FBN2: variants seen among roughly 807,000 people sequenced by gnomAD.
FBN2 encodes fibrillin-2.
A neutral mutation model predicts 355.6 loss-of-function variants in FBN2; 105 were observed. The ratio of observed to expected loss-of-function variants is 0.30; its 90% CI spans 0.25 to 0.35. The LOEUF is 0.35. Ranked by LOEUF, FBN2 falls within the 10% of genes least tolerant of loss-of-function variation. The pLI, the probability that FBN2 is intolerant of heterozygous loss-of-function variation, is 1.00. For missense variants in FBN2, 3,280 were observed against 3,758.7 expected (o/e 0.87, Z 3.33); for synonymous variants, 1,350 against 1,301.2 (o/e 1.04, Z -0.81).
chr5:128,377,837 G>C lies in FBN2; in HGVS notation c.1764C>G (p.Asn588Lys). ...TTCCATCTGTGTTCACGCATCGACC[G>C]TTTTTACAAAGAACCCCATTCTGGA... ...ECIQNGVLCK[N>K]GRCVNTDGSF... The change falls in exon 13 of 65, where the codon AAC (asparagine) becomes AAG (lysine). Residue 588 changes from asparagine (N) to lysine (K), a missense_variant. By Grantham distance (94) the Asn-to-Lys change is moderately conservative. Coordinates refer to ENST00000262464, the MANE Select transcript of FBN2 (RefSeq NM_001999.4). 1 of 1,613,296 alleles carries C rather than the reference G, an allele frequency of 6.2e-7. No individual in the cohort carries two copies. The highest frequency in any genetic ancestry group is 1.1e-5 in the South Asian group (1 of 91,074).
At chr5:128,377,421 A>G (rs1287263356) in intron 13 of FBN2, among the ~76,000 whole-genome samples, 6 of 152,308 alleles carry the variant, frequency 3.9e-5, no homozygotes, top group African/African-American at 1.4e-4. Context: ...CACCTGAAAT[A>G]CAGTAGCGGT....
chr5:128,516,400 T>C (rs906305221), intron 5 of FBN2, among the ~76,000 whole-genome samples: 3 of 151,130 alleles, frequency 2.0e-5, no homozygotes, highest in African/African-American at 7.3e-5. Flanking sequence ...ATGCTAAGTA[T>C]AAAAGGTCAT....
Position 128,530,597 on chromosome 5 carries a change from G to A in FBN2, c.434C>T (p.Ser145Leu). ...GQISSTCGSKSIQQCSVRCMN... is the reference protein window; with the variant it reads ...GQISSTCGSKLIQQCSVRCMN... ...AAGGCCACAAGTAAGAAACATACTT[G>A]ATTTTGATCCACAGGTTGATGATAT... Residue 145 changes from serine (S) to leucine (L), a missense_variant and splice_region_variant, in exon 3 of 65, where the codon TCA becomes TTA. Ser to Leu is a moderately radical substitution (Grantham distance 145, BLOSUM62 -2). Coordinates refer to ENST00000262464, the MANE Select transcript of FBN2 (RefSeq NM_001999.4). 1 of 1,605,870 alleles carries A rather than the reference G, an allele frequency of 6.2e-7. No individual in the cohort carries two copies. Among genetic ancestry groups the A allele is most frequent in the Non-Finnish European group, 8.5e-7 (1 of 1,172,704 alleles).
intron 61 of FBN2, 128 bp downstream of exon 61, chr5:128,273,712 G>A (rs1445823035): frequency 1.1e-6 from 1 of 916,028 alleles, no homozygotes; most frequent in Non-Finnish European, 1.7e-6. Flanking sequence ...CCAGGAATAA[G>A]TTGCTGGGTC....
At chr5:128,374,229 A>G (rs1365672226) in intron 15 of FBN2, among the ~76,000 whole-genome samples, 1 of 152,172 alleles carries the variant, frequency 6.6e-6, no homozygotes, top group Non-Finnish European at 1.5e-5. Flanking sequence ...TACATACCAT[A>G]GAATCCATCA....
chr5:128,461,358 C>T (rs1190267937), intron 6 of FBN2, among the ~76,000 whole-genome samples: 1 of 152,072 alleles, frequency 6.6e-6, no homozygotes, highest in Non-Finnish European at 1.5e-5. Context: ...AAACGAGATG[C>T]TGGCGAGGCT....
intron 5 of FBN2, among the ~76,000 whole-genome samples, chr5:128,470,813 CA>C (rs1754841566): frequency 1.3e-5 from 2 of 151,860 alleles, no homozygotes; most frequent in African/African-American, 4.8e-5. Flanking sequence ...CAGTGGAATG[CA>C]GTTACAGTGT....
In FBN2 at chr5:128,258,218, G is replaced by C. The variant is rs1315860951; in HGVS notation, c.*1237C>G. 1 of 152,530 alleles carries C rather than the reference G, an allele frequency of 6.6e-6. No individual in the cohort carries two copies. Among genetic ancestry groups the C allele is most frequent in the Non-Finnish European group, 1.5e-5 (1 of 68,024 alleles). 9.4% of individuals were successfully genotyped at this position (152,530 alleles called of 1,614,324 possible). ...GGTTCTTGGGTTGAGAAGAATAATG[G>C]ATACGTGCTCTTAATAGCACATCCT... On this transcript the variant is annotated 3_prime_UTR_variant, in exon 65 of 65. Transcript: ENST00000262464.
At chr5:128,284,289 A>G (rs1581187142) in intron 55 of FBN2, among the ~76,000 whole-genome samples, 2 of 152,226 alleles carry the variant, frequency 1.3e-5, no homozygotes, top group South Asian at 4.1e-4. Flanking sequence ...TCTGAGGCAC[A>G]TATTTAAGCC....
chr5:128,490,668 T>C (rs187905482), intron 5 of FBN2, among the ~76,000 whole-genome samples: 26 of 152,344 alleles, frequency 1.7e-4, no homozygotes, highest in African/African-American at 6.3e-4. Flanking sequence ...TACGATTTTT[T>C]AAAATTTAAT....
intron 5 of FBN2, among the ~76,000 whole-genome samples, chr5:128,474,861 T>C (rs1240270639): frequency 6.6e-6 from 1 of 152,228 alleles, no homozygotes; most frequent in African/African-American, 2.4e-5. Context: ...ATGTGATTCA[T>C]TACTGGGGTT....
chr5:128,479,826 C>G (rs144850752), intron 5 of FBN2, among the ~76,000 whole-genome samples: 1 of 151,106 alleles, frequency 6.6e-6, no homozygotes, highest in East Asian at 2.0e-4. Context: ...ACTTAGGAAG[C>G]TGAAGTGAGA....
In FBN2 at chr5:128,359,416, G is replaced by A. The variant is rs184342055; in HGVS notation, c.2555-2021C>T. Among the ~76,000 whole-genome samples, 310 of 152,046 alleles carry A rather than the reference G, an allele frequency of 2.0e-3. 1 individual carries two copies. Among genetic ancestry groups the A allele is most frequent in the African/African-American group, 7.1e-3 (296 of 41,524 alleles). On this transcript the variant is annotated intron_variant, in intron 19 of 64. Transcript: ENST00000262464. ...CAGAGGAAATAAGAAAGCGACCCAA[G>A]GGAAAAAGAGATTAGTAGCCTTCAA...
chr5:128,503,182 A>G (rs752811100), intron 5 of FBN2, among the ~76,000 whole-genome samples: 6 of 152,166 alleles, frequency 3.9e-5, no homozygotes, highest in Non-Finnish European at 8.8e-5. Flanking sequence ...TGCTGTCTGT[A>G]AGACATGACT....
intron 8 of FBN2, among the ~76,000 whole-genome samples, chr5:128,403,005 C>T (rs1310636030): frequency 6.6e-6 from 1 of 152,100 alleles, no homozygotes; most frequent in African/African-American, 2.4e-5. Flanking sequence ...ACACTTCTTC[C>T]TTTCTTAATT....
At chr5:128,337,623 C>G (rs936420839) in intron 27 of FBN2, among the ~76,000 whole-genome samples, 1 of 152,212 alleles carries the variant, frequency 6.6e-6, no homozygotes, top group Non-Finnish European at 1.5e-5. Context: ...TGAGCAGGCA[C>G]AGGGGCGTAG....
chr5:128,317,084 T>G (rs1468981473), intron 36 of FBN2, among the ~76,000 whole-genome samples: 1 of 152,126 alleles, frequency 6.6e-6, no homozygotes, highest in Non-Finnish European at 1.5e-5. Flanking sequence ...CACATGCCCC[T>G]TGCACTGGCT....
intron 36 of FBN2, among the ~76,000 whole-genome samples, chr5:128,317,231 TTTTA>T (rs1410012943): frequency 6.6e-6 from 1 of 152,204 alleles, no homozygotes; most frequent in Non-Finnish European, 1.5e-5. Flanking sequence ...TTGTTCTTGC[TTTTA>T]TTTATCTCCC....
chr5:128,366,047 A>G (rs1751756447), intron 17 of FBN2, among the ~76,000 whole-genome samples: 1 of 152,016 alleles, frequency 6.6e-6, no homozygotes, highest in Admixed American at 6.6e-5. Flanking sequence ...TTAATGTTTT[A>G]TCATAAAATT....
Sources: allele counts gnomAD v4.1 joint callset (sites outside exome capture counted in the v4.1 genomes callset), GRCh38; gene constraint gnomAD v4.1.1; transcripts MANE v1.5; gene names NCBI Gene and HGNC (gene_info 2026-07-23, HGNC 2026-07-21).